The following PBX3 variants were observed in gnomAD, a reference collection of about 807,000 sequenced individuals.
PBX3 encodes PBX homeobox 3.
In PBX3, 14 loss-of-function variants were observed where a neutral mutation model predicts 48.5. That is an observed-to-expected ratio of 0.29 (90% confidence interval 0.19 to 0.45). The LOEUF is 0.45. PBX3 is among the 20% of genes least tolerant of loss of function. The pLI is 1.00. For synonymous variants in PBX3, 210 were observed against 200.3 expected (o/e 1.05, Z -0.41); for missense variants, 386 against 546.7 (o/e 0.71, Z 2.93).
chr9:125,806,422 G>T (rs1384667883), intron 2 of PBX3, among the ~76,000 whole-genome samples: 5 of 152,142 alleles, frequency 3.3e-5, no homozygotes, highest in South Asian at 4.1e-4. Context: ...GGAGGTTCAC[G>T]ATCAAGATGC....
chr9:125,911,280 CCTTT>C (rs1011475912), intron 2 of PBX3, among the ~76,000 whole-genome samples: 15 of 152,076 alleles, frequency 9.9e-5, no homozygotes, highest in African/African-American at 3.4e-4. Flanking sequence ...AATTATTTTA[CCTTT>C]TTTATGTTTG....
At chr9:125,783,827 C>T (rs1466113548) in intron 2 of PBX3, among the ~76,000 whole-genome samples, 1 of 151,888 alleles carries the variant, frequency 6.6e-6, no homozygotes, top group Non-Finnish European at 1.5e-5. Context: ...GATAAAACCC[C>T]TTCTCTAATA....
At chr9:125,801,790 T>TACACACACACACACACACACACAC (rs367989628) in intron 2 of PBX3, among the ~76,000 whole-genome samples, 2 of 146,214 alleles carry the variant, frequency 1.4e-5, no homozygotes, top group African/African-American at 5.1e-5. Flanking sequence ...TGTATACACA[T>TACACACACACACACACACACACAC]ACACACACAC....
At chr9:125,747,780 G>A (rs1836237065) in intron 1 of PBX3, 127 bp downstream of exon 1, 1 of 672,902 alleles carries the variant, frequency 1.5e-6, no homozygotes, top group Non-Finnish European at 2.3e-6. Flanking sequence ...TCCGAAAGCC[G>A]GCCGCCCGCC....
At chr9:125,883,843 G>C (rs1840437447) in intron 2 of PBX3, among the ~76,000 whole-genome samples, 1 of 152,176 alleles carries the variant, frequency 6.6e-6, no homozygotes, top group South Asian at 2.1e-4. Context: ...AACATGCTTT[G>C]TAACCTAATG....
chr9:125,826,543 T>G (rs1414111276), intron 2 of PBX3, among the ~76,000 whole-genome samples: 1 of 152,178 alleles, frequency 6.6e-6, no homozygotes, highest in African/African-American at 2.4e-5. Context: ...ATGTCACTAC[T>G]AAGTATTTAG....
chr9:125,910,712 G>C (rs754297276), intron 2 of PBX3, among the ~76,000 whole-genome samples: 13 of 150,834 alleles, frequency 8.6e-5, no homozygotes, highest in Non-Finnish European at 1.6e-4. Context: ...AGGAGATTTG[G>C]AGCTGGAGTG....
intron 3 of PBX3, among the ~76,000 whole-genome samples, chr9:125,928,081 G>A (rs1289957027): frequency 1.3e-5 from 2 of 152,008 alleles, no homozygotes; most frequent in African/African-American, 4.8e-5. Context: ...TACTCGGGAG[G>A]CTGAGGCAGG....
chr9:125,790,002 T>A (rs1837555290), intron 2 of PBX3, among the ~76,000 whole-genome samples: 2 of 152,198 alleles, frequency 1.3e-5, no homozygotes, highest in Non-Finnish European at 2.9e-5. Flanking sequence ...TTGGGAGTAT[T>A]TGTATTTTGT....
Position 125,878,954 on chromosome 9 carries a change from AT to A in PBX3, c.275-36722del, listed in dbSNP as rs530536170. On this transcript the variant is annotated intron_variant, in intron 2 of 8. Transcript: ENST00000373489. ...GTGACAACATCACTAAAAGTGAGTG[AT>A]TTTTTTTTTCCCATGGAAGGAGTTA... Among the ~76,000 whole-genome samples the A allele has an allele frequency of 6.0e-3, 897 of 148,688 alleles. 10 individuals carry two copies. The highest frequency in any genetic ancestry group is 0.018 in the African/African-American group (717 of 40,494).
intron 2 of PBX3, among the ~76,000 whole-genome samples, chr9:125,865,794 C>T (rs1839964941): frequency 6.6e-6 from 1 of 152,046 alleles, no homozygotes; most frequent in South Asian, 2.1e-4. Flanking sequence ...TGTAGTTTTA[C>T]CTGTAGAAGA....
intron 2 of PBX3, among the ~76,000 whole-genome samples, chr9:125,784,761 C>A (rs1837417117): frequency 6.6e-6 from 1 of 152,082 alleles, no homozygotes; most frequent in African/African-American, 2.4e-5. Flanking sequence ...CCTTTCTCAG[C>A]CTTTGTGGAT....
chr9:125,881,885 CCATTAT>C (rs1351763388), intron 2 of PBX3, among the ~76,000 whole-genome samples: 1 of 151,710 alleles, frequency 6.6e-6, no homozygotes, highest in South Asian at 2.1e-4. Flanking sequence ...TTGGGAGGAT[CCATTAT>C]CATTAAGTAT....
intron 2 of PBX3, among the ~76,000 whole-genome samples, chr9:125,881,654 T>A (rs376198305): frequency 2.0e-5 from 3 of 152,102 alleles, no homozygotes; most frequent in African/African-American, 7.2e-5. Flanking sequence ...GGTCTTGCTC[T>A]GTGTCCAAGG....
intron 2 of PBX3, among the ~76,000 whole-genome samples, chr9:125,858,509 A>G (rs1588227905): frequency 6.6e-6 from 1 of 152,254 alleles, no homozygotes; most frequent in Non-Finnish European, 1.5e-5. Context: ...TTAAAAATCA[A>G]TACACTGGAA....
chr9:125,960,761 T>C lies in PBX3; in HGVS notation c.921T>C (p.Tyr307=). The C allele has an allele frequency of 6.2e-7, 1 of 1,614,208 alleles. No individual in the cohort carries two copies. Among genetic ancestry groups the C allele is most frequent in the Non-Finnish European group, 8.5e-7 (1 of 1,180,030 alleles). Residue 307 remains tyrosine, a synonymous_variant, in exon 6 of 9, where the codon TAT becomes TAC. Transcript: ENST00000373489. ...IGKFQEEANL[Y]AAKTAVTAAH... ...AGTTTCAGGAAGAAGCCAACCTCTATGCTGCAAAGACGGCCGTGACAGCTG... is the reference window on the plus strand; with the variant it reads ...AGTTTCAGGAAGAAGCCAACCTCTACGCTGCAAAGACGGCCGTGACAGCTG...
chr9:125,808,175 T>C (rs1838183369), intron 2 of PBX3, among the ~76,000 whole-genome samples: 1 of 151,998 alleles, frequency 6.6e-6, no homozygotes, highest in African/African-American at 2.4e-5. Flanking sequence ...TCCTAAGGAG[T>C]GGTCTATGTG....
intron 3 of PBX3, among the ~76,000 whole-genome samples, chr9:125,921,009 T>A (rs1446226964): frequency 6.6e-6 from 1 of 152,266 alleles, no homozygotes; most frequent in Non-Finnish European, 1.5e-5. Context: ...GCTGATGTTT[T>A]CACATTAGAG....
intron 2 of PBX3, among the ~76,000 whole-genome samples, chr9:125,905,553 TTTTC>T (rs1435542446): frequency 6.6e-6 from 1 of 151,982 alleles, no homozygotes; most frequent in East Asian, 1.9e-4. Context: ...TTTTTTTCTT[TTTTC>T]TTTTGATTTC....
Sources: allele counts gnomAD v4.1 joint callset (sites outside exome capture counted in the v4.1 genomes callset), GRCh38; gene constraint gnomAD v4.1.1; transcripts MANE v1.5; gene names NCBI Gene and HGNC (gene_info 2026-07-23, HGNC 2026-07-21).